Variants in ARHGAP33 observed in about 807,000 individuals in gnomAD.
The protein encoded by ARHGAP33 is rho GTPase-activating protein 33.
In ARHGAP33, 57 loss-of-function variants were observed where a neutral mutation model predicts 126.2. The ratio of observed to expected loss-of-function variants is 0.45; its 90% CI spans 0.36 to 0.56. The LOEUF (loss-of-function observed/expected upper bound fraction) is 0.56, where lower values mean the gene tolerates loss of function less well. Ranked by LOEUF, ARHGAP33 falls within the 20% of genes least tolerant of loss-of-function variation. The pLI, the probability that ARHGAP33 is intolerant of heterozygous loss-of-function variation, is 0.00. For missense variants in ARHGAP33, 1,500 were observed against 1,748.3 expected, an observed-to-expected ratio of 0.86 and a Z score of 2.53; for synonymous variants, 711 against 755.0, an observed-to-expected ratio of 0.94 and a Z score of 0.95.
In ARHGAP33 at chr19:35,781,080, C is replaced by CGGGG; in HGVS notation, c.982+9_982+12dup. The CGGGG allele has an allele frequency of 5.6e-6, 9 of 1,609,716 alleles. No homozygotes were observed. Among genetic ancestry groups the CGGGG allele is most frequent in the Non-Finnish European group, 6.8e-6 (8 of 1,178,020 alleles). The stretch of plus-strand genomic sequence containing the variant: ...GCAACTCAGGCCAGGATGGTGAGGC[C>CGGGG]GGGGCCCACCCACCCCACCCGTCAC... On this transcript the variant is annotated intron_variant, in intron 11 of 20. Coordinates refer to ENST00000007510, the MANE Select transcript of ARHGAP33 (RefSeq NM_001366178.1).
At position 35,782,314 on chromosome 19, in the gene ARHGAP33, G is replaced by C; in HGVS notation, c.1086-59G>C. The C allele has an allele frequency of 7.0e-6, 11 of 1,561,558 alleles. No individual in the cohort carries two copies. Among genetic ancestry groups the C allele is most frequent in the Non-Finnish European group, 9.6e-6 (11 of 1,146,578 alleles). ...TGGGGGTAGGGGCAAGGGGAGCATG[G>C]CCACGTGAGCGAGCCCCTCTGACCT... On this transcript the variant is annotated intron_variant, in intron 12 of 20. Transcript: ENST00000007510. This position sits in a 1 kb window ranked among gnomAD's most constrained non-coding sequence, Gnocchi z 4.1.
intron 6 of ARHGAP33, among the ~76,000 whole-genome samples, chr19:35,779,583 C>T (rs1971640345): frequency 1.3e-5 from 2 of 152,138 alleles, no homozygotes; most frequent in Non-Finnish European, 1.5e-5. Context: ...GCATGTGCCA[C>T]CACGCCCGGC....
chr19:35,786,733 C>G lies in ARHGAP33; in HGVS notation c.2263C>G (p.Pro755Ala). 6.5e-7 allele frequency: 1 copy of G among 1,527,466 alleles called. No homozygotes were observed. Among genetic ancestry groups the G allele is most frequent in the Non-Finnish European group, 8.8e-7 (1 of 1,142,324 alleles). 94.6% of individuals were successfully genotyped at this position (1,527,466 alleles called of 1,614,324 possible). A position where few individuals can be genotyped will look rare whatever the true frequency, so the allele number is the denominator to read the frequency against. ...FRCSSPTPGDPAPPASPAPPA... is the reference protein window; with the variant it reads ...FRCSSPTPGDAAPPASPAPPA... ...CTGCAGCAGCCCCACCCCAGGGGAT[C>G]CCGCACCTCCCGCCAGCCCAGCACC... Residue 755 changes from proline to alanine, a missense_variant, in exon 20 of 21, where the codon CCC (proline) becomes GCC (alanine). Physicochemically the swap from Pro to Ala is conservative, Grantham distance 27. This residue lies in a region of ARHGAP33 where 73 missense variants were observed against 110.8 expected (regional missense o/e 0.66). Coordinates refer to ENST00000007510, the MANE Select transcript of ARHGAP33 (RefSeq NM_001366178.1). The surrounding 1 kb of genome is among the most constrained non-coding windows in gnomAD (Gnocchi z 7.0).
intron 3 of ARHGAP33, 131 bp from the exon 4 acceptor site, chr19:35,778,149 A>T: frequency 1.0e-6 from 1 of 963,452 alleles, no homozygotes; most frequent in South Asian, 1.5e-5. Context: ...TATGTCAGGG[A>T]CCAGGACATC....
rs758489281 is a variant in ARHGAP33, at chr19:35,787,489, G to A, written c.2924G>A (p.Ser975Asn). ...GPPPYLPRQQ[S>N]DGSLLRSQRP... is the part of the protein sequence containing the mutation. Reference sequence around the variant, plus strand: ...CCACCCTACTTACCAAGGCAACAAAGTGATGGGAGCCTGCTGAGGAGCCAG... The same window carrying A: ...CCACCCTACTTACCAAGGCAACAAAATGATGGGAGCCTGCTGAGGAGCCAG... The change falls in exon 21 of 21, where the codon AGT becomes AAT. Residue 975 changes from serine to asparagine, a missense_variant. This residue lies in a region of ARHGAP33 where 642 missense variants were observed against 634.0 expected (regional missense o/e 1.01). Transcript: ENST00000007510. The A allele has an allele frequency of 1.9e-6, 3 of 1,612,438 alleles. No individual in the cohort carries two copies. In the Admixed American group the frequency reaches 5.0e-5, roughly 27 times the overall value.
Position 35,788,340 on chromosome 19 carries a change from CAA to C in ARHGAP33, c.3777_3778del (p.Glu1262GlyfsTer18). 6.2e-7 allele frequency: 1 copy of C among 1,607,604 alleles called. No homozygotes were observed. Among genetic ancestry groups the C allele is most frequent in the Non-Finnish European group, 8.5e-7 (1 of 1,177,822 alleles). On this transcript the variant is annotated frameshift_variant, in exon 21 of 21. Coordinates refer to ENST00000007510, the MANE Select transcript of ARHGAP33 (RefSeq NM_001366178.1). LOFTEE classifies it high-confidence loss of function. ...HRGSLYRNGG[Q>X]RGEGAGPPPP... ...AGGGTCCTTGTACAGAAATGGAGGGCAAAGAGGGGAGGGGGCTGGTCCCCCAC... is the reference window on the plus strand; with the variant it reads ...AGGGTCCTTGTACAGAAATGGAGGGCAGAGGGGAGGGGGCTGGTCCCCCAC...
In ARHGAP33 at chr19:35,785,457, C is replaced by G; in HGVS notation, c.1916C>G (p.Ser639Cys). 1 of 1,614,206 alleles carries G rather than the reference C, an allele frequency of 6.2e-7. No homozygotes were observed. Among genetic ancestry groups the G allele is most frequent in the South Asian group, 1.1e-5 (1 of 91,088 alleles). ...CTGAGATCTGCCAAGAGCGAGGAGT[C>G]TCTGTCATCGCAGGCCAGCGGGGCT... The part of the protein sequence containing the change: ...VTLRSAKSEE[S>C]LSSQASGAGL... The change falls in exon 19 of 21, where the codon TCT (serine) becomes TGT (cysteine). Residue 639 changes from serine (S) to cysteine (C), a missense_variant. By Grantham distance (112) the Ser-to-Cys change is moderately radical (BLOSUM62 -1). Around this residue, in one of 6 missense-constraint regions of ARHGAP33, gnomAD observed 300 missense variants for 291.1 expected, o/e 1.03. Coordinates refer to ENST00000007510, the MANE Select transcript of ARHGAP33 (RefSeq NM_001366178.1).
rs766038809 is a variant in ARHGAP33, at chr19:35,785,455, G to A, written c.1914G>A (p.Glu638=). The stretch of plus-strand genomic sequence containing the variant: ...CACTGAGATCTGCCAAGAGCGAGGA[G>A]TCTCTGTCATCGCAGGCCAGCGGGG... ...TVTLRSAKSE[E]SLSSQASGAG... is the part of the protein sequence containing the mutation. The change falls in exon 19 of 21, where the codon GAG becomes GAA. Residue 638 remains glutamate (E), a synonymous_variant. Transcript: ENST00000007510. 6.8e-6 allele frequency: 11 copies of A among 1,614,104 alleles called. No homozygotes were observed. The highest frequency in any genetic ancestry group is 1.3e-5 in the African/African-American group (1 of 74,946).
intron 12 of ARHGAP33, 60 bp downstream of exon 12, chr19:35,781,312 G>A: frequency 6.6e-7 from 1 of 1,526,590 alleles, no homozygotes; most frequent in Non-Finnish European, 9.1e-7. Flanking sequence ...CTCCACTCCA[G>A]CCCCGTGCTG....
chr19:35,788,767 C>T lies in ARHGAP33; in HGVS notation c.*338C>T, dbSNP rs1325406244. The stretch of plus-strand genomic sequence containing the variant: ...GGGGACAACTCCTACCCTTCTTTCC[C>T]CACATGCCCCACTAAACCATCTGAC... On this transcript the variant is annotated 3_prime_UTR_variant, in exon 21 of 21. Coordinates refer to ENST00000007510, the MANE Select transcript of ARHGAP33 (RefSeq NM_001366178.1). 3.8e-6 allele frequency: 1 copy of T among 260,796 alleles called. No individual in the cohort carries two copies. Among genetic ancestry groups the T allele is most frequent in the Non-Finnish European group, 7.3e-6 (1 of 137,508 alleles). The allele number at this position is 260,796 out of a possible 1,614,324, so 16.2% of individuals were successfully genotyped here. A position where few individuals can be genotyped will look rare whatever the true frequency, so the allele number is the denominator to read the frequency against.
Position 35,787,211 on chromosome 19 carries a change from C to T in ARHGAP33, c.2646C>T (p.Leu882=). The change falls in exon 21 of 21, where the codon CTC becomes CTT. Residue 882 remains leucine, a synonymous_variant. Coordinates refer to ENST00000007510, the MANE Select transcript of ARHGAP33 (RefSeq NM_001366178.1). ...CACTGCCACCCCCTCCCCTGTCTCT[C>T]CTGCGCCCTGGGGGTGCCCCACCCC... ...ESPLPPPPLS[L]LRPGGAPPPP... is the part of the protein sequence containing the mutation. 1.2e-6 allele frequency: 2 copies of T among 1,611,244 alleles called. No homozygotes were observed. Among genetic ancestry groups the T allele is most frequent in the South Asian group, 1.1e-5 (1 of 91,010 alleles).
chr19:35,787,530 T>A lies in ARHGAP33; in HGVS notation c.2965T>A (p.Ser989Thr). The A allele has an allele frequency of 6.2e-7, 1 of 1,612,006 alleles. No homozygotes were observed. Among genetic ancestry groups the A allele is most frequent in the Non-Finnish European group, 8.5e-7 (1 of 1,179,534 alleles). The part of the protein sequence containing the change: ...LLRSQRPMGT[S>T]RRGLRGPAQV... ...GAGGAGCCAGCGGCCCATGGGGACC[T>A]CAAGGAGGGGACTCCGAGGCCCTGC... The change falls in exon 21 of 21, where the codon TCA becomes ACA. Residue 989 changes from serine (S) to threonine (T), a missense_variant. This residue lies in a region of ARHGAP33 where 642 missense variants were observed against 634.0 expected (regional missense o/e 1.01). Coordinates refer to ENST00000007510, the MANE Select transcript of ARHGAP33 (RefSeq NM_001366178.1).
At chr19:35,777,794 G>A in intron 2 of ARHGAP33, 30 bp from the exon 3 acceptor site, 1 of 1,614,042 alleles carries the variant, frequency 6.2e-7, no homozygotes, top group Non-Finnish European at 8.5e-7. Flanking sequence ...GACTCAAGGA[G>A]CTGCTGGTGA....
chr19:35,776,019 T>G (rs1054595889), intron 1 of ARHGAP33, among the ~76,000 whole-genome samples: 1 of 151,434 alleles, frequency 6.6e-6, no homozygotes, highest in African/African-American at 2.4e-5. Context: ...TTCCTCGGCA[T>G]CCTTCTGCCA....
chr19:35,785,606 A>G (rs1291084917), intron 19 of ARHGAP33, 123 bp downstream of exon 19: 3 of 1,503,148 alleles, frequency 2.0e-6, no homozygotes, highest in African/African-American at 1.4e-5. Context: ...CTTTTGAAAA[A>G]TTTAACCTGG....
chr19:35,788,087 AG>A lies in ARHGAP33; in HGVS notation c.3525del (p.Arg1177GlyfsTer152). 6.2e-7 allele frequency: 1 copy of A among 1,609,406 alleles called. No homozygotes were observed. The highest frequency in any genetic ancestry group is 8.5e-7 in the Non-Finnish European group (1 of 1,178,736). ...PEPLYVNLAL[G>X]PRGPSPASSS... ...AGCCCCTCTACGTCAACCTAGCTCTAGGGCCCAGGGGTCCCTCACCTGCCTC... is the reference window on the plus strand; with the variant it reads ...AGCCCCTCTACGTCAACCTAGCTCTAGGCCCAGGGGTCCCTCACCTGCCTC... On this transcript the variant is annotated frameshift_variant, in exon 21 of 21. Coordinates refer to ENST00000007510, the MANE Select transcript of ARHGAP33 (RefSeq NM_001366178.1). LOFTEE classifies it high-confidence loss of function.
chr19:35,784,733 C>G, intron 16 of ARHGAP33: 1 of 1,352,360 alleles, frequency 7.4e-7, no homozygotes, highest in Non-Finnish European at 9.4e-7. Context: ...CCGCTGCCCT[C>G]GCTGGCTGCC....
rs1307060453 is a variant in ARHGAP33, at chr19:35,785,441, G to A, written c.1900G>A (p.Ala634Thr). The part of the protein sequence containing the change: ...SRPDTVTLRS[A>T]KSEESLSSQA... ...ACCCGACACCGTCACACTGAGATCT[G>A]CCAAGAGCGAGGAGTCTCTGTCATC... The change falls in exon 19 of 21, where the codon GCC (alanine) becomes ACC (threonine). Residue 634 changes from alanine to threonine, a missense_variant. Physicochemically the swap from Ala to Thr is moderately conservative, Grantham distance 58 (BLOSUM62 0). Coordinates refer to ENST00000007510, the MANE Select transcript of ARHGAP33 (RefSeq NM_001366178.1). 4 of 1,614,088 alleles carry A rather than the reference G, an allele frequency of 2.5e-6. No homozygotes were observed. The highest frequency in any genetic ancestry group is 3.4e-6 in the Non-Finnish European group (4 of 1,180,038).
chr19:35,785,642 A>T (rs1972073990), intron 19 of ARHGAP33, 159 bp downstream of exon 19: 1 of 1,438,136 alleles, frequency 7.0e-7, no homozygotes, highest in Non-Finnish European at 9.1e-7. Flanking sequence ...AGTTGGATAC[A>T]GTATCACCTT....
Sources: gnomAD v4.1 joint callset for allele counts (sites outside exome capture counted in the v4.1 genomes callset) on GRCh38, gnomAD v4.1.1 for gene constraint, gnomAD v4.1.1 regional missense constraint, Gnocchi (gnomAD v3.1) non-coding constraint, MANE v1.5 for transcripts, NCBI Gene and HGNC (gene_info 2026-07-23, HGNC 2026-07-21) for gene names.